The following ENTREP2 variants were observed in gnomAD, a reference collection of about 807,000 sequenced individuals.
ENTREP2 encodes the protein endosomal transmembrane epsin interactor 2.
At chr15:29,490,388 C>G in the ENTREP2 span, among the ~76,000 whole-genome samples, 1 of 151,076 alleles carries the variant, frequency 6.6e-6, no homozygotes, top group Admixed American at 6.6e-5. Context: ...ACCTCCACAA[C>G]ATGGAAGAGA....
the ENTREP2 span, among the ~76,000 whole-genome samples, chr15:29,564,995 G>T: frequency 2.6e-5 from 4 of 152,114 alleles, no homozygotes; most frequent in African/African-American, 9.7e-5. Context: ...AAGGAACAAA[G>T]AAATGAAGAG....
the ENTREP2 span, among the ~76,000 whole-genome samples, chr15:29,556,545 A>C: frequency 1.3e-5 from 2 of 152,202 alleles, no homozygotes; most frequent in Non-Finnish European, 2.9e-5. Context: ...TTCATGCCCA[A>C]AAAATGTCAA....
At chr15:29,186,728 T>C in the ENTREP2 span, among the ~76,000 whole-genome samples, 2 of 152,208 alleles carry the variant, frequency 1.3e-5, no homozygotes, top group Non-Finnish European at 2.9e-5. Context: ...AGACCTAGTA[T>C]GGCTTCCAGT....
At chr15:29,558,430 C>T in the ENTREP2 span, among the ~76,000 whole-genome samples, 1 of 151,612 alleles carries the variant, frequency 6.6e-6, no homozygotes, top group African/African-American at 2.4e-5. Flanking sequence ...GAAGCTGGCC[C>T]GCAGCACCCA....
chr15:29,506,515 C>T, the ENTREP2 span, among the ~76,000 whole-genome samples: 1 of 152,254 alleles, frequency 6.6e-6, no homozygotes, highest in South Asian at 2.1e-4. Context: ...AGAGAAAGGT[C>T]GAGTTACCCA....
At chr15:29,626,274 G>A in the ENTREP2 span, among the ~76,000 whole-genome samples, 10 of 152,174 alleles carry the variant, frequency 6.6e-5, no homozygotes, top group Admixed American at 6.5e-4. Flanking sequence ...ACCTTGAATT[G>A]TAATAATCCC....
At chr15:29,223,833 C>T in the ENTREP2 span, among the ~76,000 whole-genome samples, 1 of 152,172 alleles carries the variant, frequency 6.6e-6, no homozygotes, top group African/African-American at 2.4e-5. Context: ...GGTATCCCAG[C>T]AGACGAAAAG....
the ENTREP2 span, among the ~76,000 whole-genome samples, chr15:29,281,353 G>A: frequency 5.3e-5 from 8 of 152,128 alleles, no homozygotes; most frequent in African/African-American, 1.7e-4. Context: ...AATAAGTGAC[G>A]GGTTTAGGAG....
chr15:29,503,042 A>T, the ENTREP2 span, among the ~76,000 whole-genome samples: 2 of 152,144 alleles, frequency 1.3e-5, no homozygotes, highest in African/African-American at 4.8e-5. Flanking sequence ...TTTGGAAAAC[A>T]GTCTGGTAGT....
At chr15:29,440,678 G>A in the ENTREP2 span, among the ~76,000 whole-genome samples, 8 of 152,122 alleles carry the variant, frequency 5.3e-5, no homozygotes, top group East Asian at 5.8e-4. Context: ...CCACAGGGTC[G>A]GCTGGGCCCA....
chr15:29,411,572 T>C, the ENTREP2 span, among the ~76,000 whole-genome samples: 1 of 152,258 alleles, frequency 6.6e-6, no homozygotes, highest in African/African-American at 2.4e-5. Context: ...GTTCACTACA[T>C]GAAATCATAA....
chr15:29,660,461 T>G, the ENTREP2 span, among the ~76,000 whole-genome samples: 1 of 151,754 alleles, frequency 6.6e-6, no homozygotes, highest in Non-Finnish European at 1.5e-5. Flanking sequence ...CCTCCAGAAC[T>G]GAGAGAATAA....
chr15:29,177,785 G>A, the ENTREP2 span, among the ~76,000 whole-genome samples: 1 of 152,028 alleles, frequency 6.6e-6, no homozygotes, highest in African/African-American at 2.4e-5. Context: ...GGAGGTTGGT[G>A]GGGACAGTGT....
the ENTREP2 span, among the ~76,000 whole-genome samples, chr15:29,328,669 G>A: frequency 3.9e-5 from 6 of 152,270 alleles, no homozygotes; most frequent in East Asian, 5.8e-4. Flanking sequence ...CACTACTCAC[G>A]TATTTTGAAA....
the ENTREP2 span, among the ~76,000 whole-genome samples, chr15:29,466,388 G>C: frequency 1.1e-4 from 17 of 152,130 alleles, no homozygotes; most frequent in African/African-American, 3.9e-4. Context: ...CCCCAGGAGA[G>C]AGCCCAGGAG....
the ENTREP2 span, among the ~76,000 whole-genome samples, chr15:29,403,939 G>A: frequency 1.7e-4 from 26 of 152,160 alleles, no homozygotes; most frequent in African/African-American, 5.8e-4. Flanking sequence ...CTGGCTGGCC[G>A]CTGCAGGGCC....
At chr15:29,230,663 T>A in the ENTREP2 span, among the ~76,000 whole-genome samples, 1 of 151,938 alleles carries the variant, frequency 6.6e-6, no homozygotes, top group Non-Finnish European at 1.5e-5. Flanking sequence ...AAAGAAGTAG[T>A]TTTGGTAGAG....
chr15:29,607,825 T>TAGATAGATAGATAGATAGACAGAC, the ENTREP2 span, among the ~76,000 whole-genome samples: 114 of 84,972 alleles, frequency 1.3e-3, no homozygotes, highest in African/African-American at 7.7e-3. Context: ...GATAGATAGA[T>TAGATAGATAGATAGATAGACAGAC]AGACAGACAG....
At chr15:29,231,210 A>G in the ENTREP2 span, among the ~76,000 whole-genome samples, 1 of 152,216 alleles carries the variant, frequency 6.6e-6, no homozygotes, top group Non-Finnish European at 1.5e-5. Context: ...ACAAAGCTAC[A>G]TTTCTGATAG....
Sources: gnomAD v4.1 joint callset for allele counts (sites outside exome capture counted in the v4.1 genomes callset) on GRCh38, gnomAD v4.1.1 for gene constraint, MANE v1.5 for transcripts, NCBI Gene and HGNC (gene_info 2026-07-23, HGNC 2026-07-21) for gene names.